Variants in GRIK5 observed in about 807,000 individuals in gnomAD.
The protein encoded by GRIK5 is glutamate receptor ionotropic, kainate 5.
A neutral mutation model predicts 97.4 loss-of-function variants in GRIK5; 43 were observed. The ratio of observed to expected loss-of-function variants is 0.44; its 90% CI spans 0.35 to 0.57. The LOEUF (loss-of-function observed/expected upper bound fraction) is 0.57. Ranked by LOEUF, GRIK5 falls within the 20% of genes least tolerant of loss-of-function variation. GRIK5 has a pLI of 0.01. For synonymous variants in GRIK5, 580 were observed against 583.5 expected (o/e 0.99, Z 0.09); for missense variants, 1,015 against 1,382.0 (o/e 0.73, Z 4.21).
At chr19:42,018,573 C>A (rs532802150) in intron 15 of GRIK5, among the ~76,000 whole-genome samples, 1 of 144,696 alleles carries the variant, frequency 6.9e-6, no homozygotes, top group Non-Finnish European at 1.5e-5. Context: ...GCAGGAGAAT[C>A]ACTTGATCCC....
chr19:42,063,689 C>T (rs972499224), intron 3 of GRIK5, among the ~76,000 whole-genome samples: 1 of 152,134 alleles, frequency 6.6e-6, no homozygotes, highest in East Asian at 1.9e-4. Context: ...ATGAAGCCAA[C>T]TCAGAGGAAA....
At chr19:42,001,965 T>C (rs996136003) in intron 19 of GRIK5, 54 of 605,004 alleles carry the variant, frequency 8.9e-5, no homozygotes, top group Middle Eastern at 8.2e-4. Context: ...AAACAGAGCC[T>C]GGGGAGAAAG....
rs1443784148 is a variant in GRIK5, at chr19:42,006,209, C to G, written c.2038-261G>C. Among the ~76,000 whole-genome samples, 1 of 152,156 alleles carries G rather than the reference C, an allele frequency of 6.6e-6. No homozygotes were observed. The highest frequency in any genetic ancestry group is 1.5e-5 in the Non-Finnish European group (1 of 68,014). ...CCTCCACCTCCTTCCCCTTAACCCT[C>G]CAGCCGGTGGCCGCTGCCCAACTCA... On this transcript the variant is annotated intron_variant, in intron 16 of 19. Coordinates refer to ENST00000593562, the MANE Select transcript of GRIK5 (RefSeq NM_002088.5). The surrounding 1 kb of genome is among the most constrained non-coding windows in gnomAD (Gnocchi z 5.3).
intron 12 of GRIK5, among the ~76,000 whole-genome samples, chr19:42,034,088 A>G (rs2075872398): frequency 6.6e-6 from 1 of 152,208 alleles, no homozygotes; most frequent in Non-Finnish European, 1.5e-5. Context: ...AAGGCCAGGC[A>G]TGGTGGCTTA....
In GRIK5 at chr19:42,042,470, G is replaced by A; in HGVS notation, c.1473+82C>T. The stretch of plus-strand genomic sequence containing the variant: ...TTCTGCCACCAGCCAGGCTGCTTCT[G>A]AGGTTCGACTGGCTGCCCAGCTGCC... On this transcript the variant is annotated intron_variant, in intron 12 of 19. Coordinates refer to ENST00000593562, the MANE Select transcript of GRIK5 (RefSeq NM_002088.5). The surrounding 1 kb of genome is among the most constrained non-coding windows in gnomAD (Gnocchi z 6.9). The A allele has an allele frequency of 8.0e-7, 1 of 1,255,224 alleles. No homozygotes were observed. Among genetic ancestry groups the A allele is most frequent in the Non-Finnish European group, 1.1e-6 (1 of 890,642 alleles). 77.8% of individuals were successfully genotyped at this position (1,255,224 alleles called of 1,614,324 possible). A position where few individuals can be genotyped will look rare whatever the true frequency, so the allele number is the denominator to read the frequency against.
intron 12 of GRIK5, among the ~76,000 whole-genome samples, chr19:42,036,767 G>A (rs1347110537): frequency 6.6e-6 from 1 of 152,258 alleles, no homozygotes; most frequent in Non-Finnish European, 1.5e-5. Context: ...AACCTGCCAT[G>A]TGTCAGGCCC....
intron 3 of GRIK5, among the ~76,000 whole-genome samples, chr19:42,064,998 C>T (rs575595352): frequency 3.6e-4 from 55 of 152,332 alleles, no homozygotes; most frequent in African/African-American, 1.1e-3. Flanking sequence ...TTTTCAACGC[C>T]GCCCCGTGCT....
At position 42,027,899 on chromosome 19, in the gene GRIK5, G is replaced by A. The variant is rs1451178642; in HGVS notation, c.1474-5545C>T. On this transcript the variant is annotated intron_variant, in intron 12 of 19. Coordinates refer to ENST00000593562, the MANE Select transcript of GRIK5 (RefSeq NM_002088.5). Reference sequence around the variant, plus strand: ...GGCTGGAGTTTAGTGGTGTGAAAATGGCTCACTGCAGCCTCAAACTCTTGG... The same window carrying A: ...GGCTGGAGTTTAGTGGTGTGAAAATAGCTCACTGCAGCCTCAAACTCTTGG... Among the ~76,000 whole-genome samples the A allele has an allele frequency of 2.0e-5, 3 of 152,140 alleles. No individual in the cohort carries two copies. In the South Asian group the frequency reaches 6.2e-4, roughly 31 times the overall value.
At position 42,067,545 on chromosome 19, in the gene GRIK5, G is replaced by A. The variant is rs148898770; in HGVS notation, c.-51+1696C>T. Among the ~76,000 whole-genome samples the A allele has an allele frequency of 6.4e-4, 98 of 152,300 alleles. 2 individuals are homozygous for A. The East Asian group carries it at 0.017, about 26-fold the overall frequency. On this transcript the variant is annotated intron_variant, in intron 1 of 19. Coordinates refer to ENST00000593562, the MANE Select transcript of GRIK5 (RefSeq NM_002088.5). ...AGGAGTGTGAAGGGCGGAGCTAGGA[G>A]AGAGGCAGGAGTGGAGTGGGTCATC...
intron 12 of GRIK5, among the ~76,000 whole-genome samples, chr19:42,037,001 T>C (rs1479427882): frequency 1.3e-5 from 2 of 152,162 alleles, no homozygotes; most frequent in Non-Finnish European, 2.9e-5. Flanking sequence ...ACAAAGCCAG[T>C]AAGGAGTAAG....
intron 12 of GRIK5, among the ~76,000 whole-genome samples, chr19:42,035,810 C>G (rs920972299): frequency 2.0e-5 from 3 of 152,110 alleles, no homozygotes; most frequent in Non-Finnish European, 4.4e-5. Context: ...CATGTATATC[C>G]AGTGTTTCTG....
chr19:42,030,979 T>C (rs1174901233), intron 12 of GRIK5, among the ~76,000 whole-genome samples: 2 of 152,166 alleles, frequency 1.3e-5, no homozygotes, highest in African/African-American at 4.8e-5. Flanking sequence ...AGTGGGAAAG[T>C]TGATGTCACA....
At chr19:42,027,932 C>T (rs1484584293) in intron 12 of GRIK5, among the ~76,000 whole-genome samples, 3 of 152,132 alleles carry the variant, frequency 2.0e-5, no homozygotes, top group African/African-American at 7.2e-5. Flanking sequence ...TGGGCTCAAG[C>T]GATTCTCCTA....
intron 12 of GRIK5, among the ~76,000 whole-genome samples, chr19:42,028,533 G>T (rs545006228): frequency 1.5e-4 from 23 of 152,354 alleles, no homozygotes; most frequent in Non-Finnish European, 2.6e-4. Context: ...CCTGGCAGCA[G>T]ATGAATCCGG....
Position 42,056,760 on chromosome 19 carries a change from T to C in GRIK5, c.805A>G (p.Met269Val), listed in dbSNP as rs542360723. The change falls in exon 8 of 20, where the codon ATG becomes GTG. Residue 269 changes from methionine to valine, a missense_variant. Met to Val is a conservative substitution (Grantham distance 21). Coordinates refer to ENST00000593562, the MANE Select transcript of GRIK5 (RefSeq NM_002088.5). ...EDSSNILGFS[M>V]FNTSHPFYPE... is the part of the protein sequence containing the mutation. ...TAGAAGGGGTGGGACGTGTTGAACA[T>C]GGAGAAGCCCAGGATGTTGGAGGAG... The C allele has an allele frequency of 6.2e-7, 1 of 1,613,850 alleles. No homozygotes were observed. The highest frequency in any genetic ancestry group is 8.5e-7 in the Non-Finnish European group (1 of 1,179,932).
intron 17 of GRIK5, among the ~76,000 whole-genome samples, chr19:42,004,294 C>T (rs782641235): frequency 1.3e-5 from 2 of 152,112 alleles, no homozygotes; most frequent in Non-Finnish European, 2.9e-5. Context: ...CAGACGAATC[C>T]CCATCCACAC....
intron 15 of GRIK5, among the ~76,000 whole-genome samples, chr19:42,018,744 A>G (rs1230507031): frequency 8.0e-6 from 1 of 125,358 alleles, no homozygotes; most frequent in Non-Finnish European, 1.6e-5. Flanking sequence ...ACAAGCCCTC[A>G]GGTGTGGCTG....
chr19:42,002,286 G>C lies in GRIK5; in HGVS notation c.2514+1046C>G, dbSNP rs1390968627. The C allele has an allele frequency of 1.4e-6, 1 of 717,566 alleles. No homozygotes were observed. Among genetic ancestry groups the C allele is most frequent in the Admixed American group, 2.0e-5 (1 of 50,000 alleles). The allele number at this position is 717,566 out of a possible 1,614,324, so 44.4% of individuals were successfully genotyped here. ...AGAGAAGGGAAGAAAGTGGGCGGTG[G>C]CTGGGAGGGAAAGTGAGGTCAGGAG... On this transcript the variant is annotated intron_variant, in intron 19 of 19. Transcript: ENST00000593562. This position sits in a 1 kb window ranked among gnomAD's most constrained non-coding sequence, Gnocchi z 5.2.
intron 15 of GRIK5, among the ~76,000 whole-genome samples, chr19:42,012,047 T>C (rs1209860343): frequency 2.0e-5 from 3 of 152,144 alleles, no homozygotes; most frequent in Non-Finnish European, 4.4e-5. Flanking sequence ...AAATAGCAGG[T>C]TGGTAGATTT....
Sources: allele counts gnomAD v4.1 joint callset (sites outside exome capture counted in the v4.1 genomes callset), GRCh38; gene constraint gnomAD v4.1.1; non-coding constraint Gnocchi (gnomAD v3.1); transcripts MANE v1.5; gene names NCBI Gene and HGNC (gene_info 2026-07-23, HGNC 2026-07-21).